Variants in STYK1 observed in about 807,000 individuals in gnomAD.
STYK1 encodes tyrosine-protein kinase STYK1.
A neutral mutation model predicts 48.1 loss-of-function variants in STYK1; 46 were observed. The ratio of observed to expected loss-of-function variants is 0.96; its 90% CI spans 0.75 to 1.22. STYK1 has a LOEUF of 1.22. STYK1 is among the 50% of genes most tolerant of loss of function. STYK1 has a pLI of 0.00. For synonymous variants in STYK1, 188 were observed against 189.0 expected, an observed-to-expected ratio of 0.99 and a Z score of 0.04; for missense variants, 527 against 521.1, an observed-to-expected ratio of 1.01 and a Z score of -0.11.
intron 1 of STYK1, among the ~76,000 whole-genome samples, chr12:10,667,620 A>G (rs962256344): frequency 6.6e-6 from 1 of 152,088 alleles, no homozygotes; most frequent in South Asian, 2.1e-4. Flanking sequence ...ACAGAGTAAG[A>G]CTCCATCTCA....
At chr12:10,623,426 C>T (rs767867162) in intron 8 of STYK1, among the ~76,000 whole-genome samples, 12 of 152,180 alleles carry the variant, frequency 7.9e-5, no homozygotes, top group Non-Finnish European at 1.3e-4. Context: ...CAATGCACTT[C>T]TCCAAGCAAT....
chr12:10,646,560 C>A (rs945331180), intron 1 of STYK1, among the ~76,000 whole-genome samples: 19 of 152,184 alleles, frequency 1.2e-4, no homozygotes, highest in African/African-American at 4.1e-4. Flanking sequence ...GGAAAATTTG[C>A]AGCCTGACAA....
At chr12:10,649,431 A>AC (rs1565569262) in intron 1 of STYK1, among the ~76,000 whole-genome samples, 3 of 152,216 alleles carry the variant, frequency 2.0e-5, no homozygotes, top group South Asian at 4.1e-4. Context: ...TGTTTAATAA[A>AC]CAGCAATTTG....
At chr12:10,671,237 G>A (rs1309151833) in intron 1 of STYK1, among the ~76,000 whole-genome samples, 8 of 151,876 alleles carry the variant, frequency 5.3e-5, no homozygotes, top group East Asian at 1.9e-4. Context: ...CTCGTGATCC[G>A]CCCACCTCAG....
rs78001524 is a variant in STYK1, at chr12:10,672,554, G to T, written c.-195+1412C>A. Reference sequence around the variant, plus strand: ...TGCCCACTAGCATTAGATTGTCATAGGAGCGTGAACCCTATTGTGAACTGC... The same window carrying T: ...TGCCCACTAGCATTAGATTGTCATATGAGCGTGAACCCTATTGTGAACTGC... On this transcript the variant is annotated intron_variant, in intron 1 of 10. Transcript: ENST00000075503. The surrounding 1 kb of genome is among the most constrained non-coding windows in gnomAD (Gnocchi z 4.0). Among the ~76,000 whole-genome samples the T allele has an allele frequency of 0.012, 1,839 of 152,216 alleles. 33 individuals are homozygous for T. The highest frequency in any genetic ancestry group is 0.042 in the African/African-American group (1,742 of 41,506).
intron 1 of STYK1, among the ~76,000 whole-genome samples, chr12:10,660,982 A>T (rs1947771010): frequency 6.6e-6 from 1 of 152,138 alleles, no homozygotes; most frequent in Non-Finnish European, 1.5e-5. Context: ...CTTTCTTAGT[A>T]AGCTTACTTT....
intron 7 of STYK1, among the ~76,000 whole-genome samples, chr12:10,626,047 AG>A (rs1330923580): frequency 1.3e-5 from 2 of 152,224 alleles, no homozygotes; most frequent in Non-Finnish European, 2.9e-5. Context: ...TTACTAAAAA[AG>A]GATGGTATAG....
intron 1 of STYK1, among the ~76,000 whole-genome samples, 165 bp from the exon 2 acceptor site, chr12:10,637,361 G>A (rs576075299): frequency 1.5e-4 from 22 of 145,442 alleles, no homozygotes; most frequent in African/African-American, 5.1e-4. Context: ...TTTTTGAGAC[G>A]GGGTCTCACT....
Position 10,620,127 on chromosome 12 carries a change from T to C in STYK1, c.*17A>G. 1 of 1,614,112 alleles carries C rather than the reference T, an allele frequency of 6.2e-7. No homozygotes were observed. Among genetic ancestry groups the C allele is most frequent in the Non-Finnish European group, 8.5e-7 (1 of 1,179,930 alleles). ...AGAACATATACTCATGCATGAATGT[T>C]TCTTGCCCGAGACTCTTCAAAGCAT... On this transcript the variant is annotated 3_prime_UTR_variant, in exon 11 of 11. Transcript: ENST00000075503.
chr12:10,664,980 A>G (rs1591705729), intron 1 of STYK1, among the ~76,000 whole-genome samples: 1 of 152,230 alleles, frequency 6.6e-6, no homozygotes, highest in South Asian at 2.1e-4. Context: ...CATAAGTCAG[A>G]AAATGAATCA....
At chr12:10,627,966 C>G (rs1459108482) in intron 6 of STYK1, among the ~76,000 whole-genome samples, 1 of 152,180 alleles carries the variant, frequency 6.6e-6, no homozygotes, top group Non-Finnish European at 1.5e-5. Flanking sequence ...ATAAATAAGA[C>G]TATCCACTGA....
chr12:10,659,016 A>G (rs1236379910), intron 1 of STYK1, among the ~76,000 whole-genome samples: 1 of 152,180 alleles, frequency 6.6e-6, no homozygotes, highest in East Asian at 1.9e-4. Flanking sequence ...GTGCTCTTGA[A>G]TGCAGGTTTC....
chr12:10,640,181 G>A (rs1198051362), intron 1 of STYK1, among the ~76,000 whole-genome samples: 1 of 152,122 alleles, frequency 6.6e-6, no homozygotes, highest in Non-Finnish European at 1.5e-5. Context: ...CTTAGGACTA[G>A]CCATCTTTCA....
intron 1 of STYK1, among the ~76,000 whole-genome samples, chr12:10,661,047 T>C (rs10734840): frequency 0.97 from 148,158 of 152,216 alleles, 72,218 homozygotes; most frequent in East Asian, 1. Context: ...TCCAAGAACC[T>C]TCTGCTGGGG....
At chr12:10,645,005 G>A (rs115871849) in intron 1 of STYK1, among the ~76,000 whole-genome samples, 1,551 of 152,196 alleles carry the variant, frequency 0.01, 19 homozygotes, top group African/African-American at 0.03. Context: ...GAGTTCCAAC[G>A]GATAAGGGCT....
Position 10,622,637 on chromosome 12 carries a change from C to T in STYK1, c.967+1G>A. 1 of 1,613,982 alleles carries T rather than the reference C, an allele frequency of 6.2e-7. No individual in the cohort carries two copies. The highest frequency in any genetic ancestry group is 8.5e-7 in the Non-Finnish European group (1 of 1,179,920). ...CACACTATTTTGGGGCTCATCCTTA[C>T]CTAGAGTCACCATCTCATAGAGCAG... On this transcript the variant is annotated splice_donor_variant, in intron 9 of 10. Transcript: ENST00000075503. LOFTEE classifies it high-confidence loss of function.
chr12:10,626,962 G>A (rs1466857182), intron 7 of STYK1, among the ~76,000 whole-genome samples: 13 of 152,102 alleles, frequency 8.5e-5, no homozygotes, highest in Admixed American at 7.2e-4. Context: ...AGCCGAGATC[G>A]TGCCACTGCA....
At chr12:10,650,001 C>T (rs1039539263) in intron 1 of STYK1, among the ~76,000 whole-genome samples, 10 of 151,468 alleles carry the variant, frequency 6.6e-5, no homozygotes, top group Non-Finnish European at 1.3e-4. Context: ...GTAGTCCCAG[C>T]TACTCGGGAG....
chr12:10,623,313 G>A (rs904418112), intron 8 of STYK1, among the ~76,000 whole-genome samples: 2 of 152,170 alleles, frequency 1.3e-5, no homozygotes, highest in Non-Finnish European at 2.9e-5. Context: ...TGTCAGTGAA[G>A]CAACAATGGA....
Sources: allele counts gnomAD v4.1 joint callset (sites outside exome capture counted in the v4.1 genomes callset), GRCh38; gene constraint gnomAD v4.1.1; non-coding constraint Gnocchi (gnomAD v3.1); transcripts MANE v1.5; gene names NCBI Gene and HGNC (gene_info 2026-07-23, HGNC 2026-07-21).